SHPRH: variants seen among roughly 807,000 people sequenced by gnomAD.
SHPRH encodes the protein SNF2 histone linker PHD RING helicase.
A neutral mutation model predicts 202.5 loss-of-function variants in SHPRH; 106 were observed. The ratio of observed to expected loss-of-function variants is 0.52; its 90% confidence interval spans 0.45 to 0.62. SHPRH has a LOEUF of 0.62. Among genes scored for constraint, SHPRH ranks in the 20% least tolerant of loss-of-function variants. The pLI, the probability that SHPRH is intolerant of heterozygous loss-of-function variation, is 0.00. For synonymous variants in SHPRH, 729 were observed against 686.0 expected (o/e 1.06, Z -0.98); for missense variants, 1,710 against 2,020.0 (o/e 0.85, Z 2.94).
chr6:145,950,207 T>A (rs753905556), intron 4 of SHPRH, 57 bp downstream of exon 4: 3 of 1,464,932 alleles, frequency 2.0e-6, no homozygotes, highest in Admixed American at 1.7e-5. Flanking sequence ...CTGCCCTAAT[T>A]GTCTCTGATG....
At chr6:145,933,357 G>C (rs897132483) in intron 13 of SHPRH, 179 bp from the exon 14 acceptor site, 1 of 851,278 alleles carries the variant, frequency 1.2e-6, no homozygotes, top group African/African-American at 1.7e-5. Flanking sequence ...ACCTTTATTT[G>C]ATCACATCCT....
At chr6:145,945,342 A>G in intron 8 of SHPRH, 39 bp downstream of exon 8, 1 of 1,570,590 alleles carries the variant, frequency 6.4e-7, no homozygotes, top group Non-Finnish European at 8.6e-7. Context: ...GGTATCACAT[A>G]CGTGTACTTA....
chr6:145,898,109 C>G (rs543113062), intron 25 of SHPRH, among the ~76,000 whole-genome samples: 1 of 152,152 alleles, frequency 6.6e-6, no homozygotes, highest in East Asian at 1.9e-4. Flanking sequence ...ATACAAAATC[C>G]TAAAGATTCC....
chr6:145,934,765 G>A (rs2128767592), intron 13 of SHPRH, 142 bp downstream of exon 13: 1 of 706,188 alleles, frequency 1.4e-6, no homozygotes, highest in African/African-American at 1.8e-5. Flanking sequence ...CGTTGCAAAT[G>A]AGCTTCCATA....
In SHPRH at chr6:145,910,454, A is replaced by C. The variant is rs2128736083; in HGVS notation, c.4509T>G (p.Pro1503=). The C allele has an allele frequency of 6.2e-7, 1 of 1,612,908 alleles. No homozygotes were observed. The highest frequency in any genetic ancestry group is 2.2e-5 in the East Asian group (1 of 44,832). ...TGTTCCTGACCTACTTTACCTTCAC[A>C]GGGATGTCCTCCTCCTGGTTTGCTT... ...SEKANQEEDI[P]VKGSHSTKVE... The change falls in exon 25 of 30, where the codon CCT becomes CCG. Residue 1503 remains proline, a synonymous_variant. Coordinates refer to ENST00000275233, the MANE Select transcript of SHPRH (RefSeq NM_001042683.3).
rs1328848657 is a variant in SHPRH at position 145,943,206 on chromosome 6, G to T, written c.2175C>A (p.Ser725=). ...TRATLIISPS[S]ICHQWVDEIN... is the part of the protein sequence containing the mutation. ...TCTCATCCACCCACTGGTGACAGAT[G>T]GAACTTGGAGAGATGATCAGAGTTG... Residue 725 remains serine, a synonymous_variant, in exon 9 of 30, where the codon TCC becomes TCA. Transcript: ENST00000275233. 3 of 1,613,452 alleles carry T rather than the reference G, an allele frequency of 1.9e-6. No homozygotes were observed. The highest frequency in any genetic ancestry group is 2.5e-6 in the Non-Finnish European group (3 of 1,179,726).
At chr6:145,872,513 G>C (rs546185700) in intron 2 of SHPRH, among the ~76,000 whole-genome samples, 2 of 152,252 alleles carry the variant, frequency 1.3e-5, no homozygotes, top group African/African-American at 4.8e-5. Flanking sequence ...ATTCAGGATG[G>C]TGATTATTAA....
At chr6:145,880,888 G>A (rs960185515), downstream of SHPRH, among the ~76,000 whole-genome samples, 8 of 151,928 alleles carry the variant, frequency 5.3e-5, no homozygotes, top group African/African-American at 1.5e-4. Flanking sequence ...AAAGAGTTTC[G>A]AGTGATAAAA....
chr6:145,924,743 C>A lies in SHPRH; in HGVS notation c.3398G>T (p.Arg1133Ile). 1 of 1,611,134 alleles carries A rather than the reference C, an allele frequency of 6.2e-7. No homozygotes were observed. The highest frequency in any genetic ancestry group is 1.7e-5 in the Admixed American group (1 of 59,758). The change falls in exon 17 of 30, where the codon AGA becomes ATA. Residue 1133 changes from arginine to isoleucine, a missense_variant. Arg to Ile is a moderately conservative substitution (Grantham distance 97). Transcript: ENST00000275233. ...PVQQTIHELQ[R>I]KIHSNSPWWL... ...AAACACTGCATTTTGGCATACCTTT[C>A]TTTGAAGCTCATGGATGGTCTGCTG... is the stretch of plus-strand genomic sequence containing the variant.
Position 145,941,386 on chromosome 6 carries a change from C to T in SHPRH, c.2490+237G>A, listed in dbSNP as rs1786758079. Among the ~76,000 whole-genome samples, 3 of 152,142 alleles carry T rather than the reference C, an allele frequency of 2.0e-5. No individual in the cohort carries two copies. In the South Asian group the frequency reaches 6.2e-4, roughly 31 times the overall value. ...ATCTGCATCATATATAAACAGACAT[C>T]TTACTGAAAAATATATATTTCATAT... is the stretch of plus-strand genomic sequence containing the variant. On this transcript the variant is annotated intron_variant, in intron 10 of 29. Transcript: ENST00000275233.
chr6:145,867,177 C>T (rs570539504), intron 2 of SHPRH, among the ~76,000 whole-genome samples: 24 of 152,164 alleles, frequency 1.6e-4, no homozygotes, highest in African/African-American at 5.3e-4. Context: ...TACTCTTCGT[C>T]ACTCTCTGAT....
At chr6:145,858,580 G>A in the SHPRH span, among the ~76,000 whole-genome samples, 1 of 151,896 alleles carries the variant, frequency 6.6e-6, no homozygotes, top group Admixed American at 6.6e-5. Flanking sequence ...ACAAGGGAGA[G>A]AGGGATTACA....
intron 11 of SHPRH, among the ~76,000 whole-genome samples, chr6:145,939,305 A>G (rs1786479032): frequency 6.6e-6 from 1 of 152,240 alleles, no homozygotes; most frequent in Non-Finnish European, 1.5e-5. Flanking sequence ...TATTGTGCAC[A>G]TATATTCATG....
chr6:145,888,646 C>T (rs925865505), intron 28 of SHPRH, among the ~76,000 whole-genome samples: 1 of 152,076 alleles, frequency 6.6e-6, no homozygotes, highest in African/African-American at 2.4e-5. Context: ...ATGGGAAGCC[C>T]TTGGTGGGTT....
intron 24 of SHPRH, among the ~76,000 whole-genome samples, chr6:145,912,499 T>A (rs1308379914): frequency 6.6e-6 from 1 of 152,012 alleles, no homozygotes; most frequent in Non-Finnish European, 1.5e-5. Context: ...AAGCAAAAAA[T>A]ACTACTTTAT....
At chr6:145,894,086 G>C in intron 27 of SHPRH, 64 bp downstream of exon 27, 3 of 1,211,714 alleles carry the variant, frequency 2.5e-6, no homozygotes, top group South Asian at 2.9e-5. Context: ...AAGTAAGCTA[G>C]TTAACAGCAG....
intron 4 of SHPRH, among the ~76,000 whole-genome samples, chr6:145,949,105 A>G (rs769210087): frequency 3.9e-5 from 6 of 152,086 alleles, no homozygotes; most frequent in Non-Finnish European, 7.4e-5. Context: ...ATGCTTTTAC[A>G]CGGCTGATGG....
At chr6:145,959,849 A>T (rs1219070721) in intron 1 of SHPRH, among the ~76,000 whole-genome samples, 1 of 152,238 alleles carries the variant, frequency 6.6e-6, no homozygotes, top group Non-Finnish European at 1.5e-5. Context: ...CTTTTAAAGC[A>T]TCTTATCCTC....
At chr6:145,933,209 G>A (rs930996171) in intron 13 of SHPRH, 31 bp from the exon 14 acceptor site, 1 of 1,613,286 alleles carries the variant, frequency 6.2e-7, no homozygotes, top group African/African-American at 1.3e-5. Context: ...TTCAAAACTA[G>A]AAAGAAAATC....
Sources: gnomAD v4.1 joint callset for allele counts (sites outside exome capture counted in the v4.1 genomes callset) on GRCh38, gnomAD v4.1.1 for gene constraint, MANE v1.5 for transcripts, NCBI Gene and HGNC (gene_info 2026-07-23, HGNC 2026-07-21) for gene names.